WNK2: variants seen among roughly 807,000 people sequenced by gnomAD.
WNK2 encodes the protein WNK lysine deficient protein kinase 2, also known as serine/threonine-protein kinase WNK2.
In WNK2, 67 loss-of-function variants were observed where a neutral mutation model predicts 192.1. That is an observed-to-expected ratio of 0.35 (90% CI 0.29 to 0.43). The LOEUF (loss-of-function observed/expected upper bound fraction) is 0.43, where lower values mean the gene tolerates loss of function less well. Ranked by LOEUF, WNK2 falls within the 20% of genes least tolerant of loss-of-function variation. The pLI, the probability that WNK2 is intolerant of heterozygous loss-of-function variation, is 1.00. For missense variants in WNK2, 2,698 were observed against 3,089.7 expected (o/e 0.87, Z 3.01); for synonymous variants, 1,439 against 1,393.9 (o/e 1.03, Z -0.72).
At chr9:93,274,884 T>G (rs1317304216) in intron 19 of WNK2, among the ~76,000 whole-genome samples, 3 of 152,096 alleles carry the variant, frequency 2.0e-5, no homozygotes, top group Non-Finnish European at 4.4e-5. Flanking sequence ...CAAAATCTCT[T>G]CCAGAAAATA....
intron 2 of WNK2, among the ~76,000 whole-genome samples, chr9:93,205,493 C>A (rs567303269): frequency 6.6e-6 from 1 of 152,264 alleles, no homozygotes; most frequent in African/African-American, 2.4e-5. Flanking sequence ...TGTCATCTCC[C>A]CCATCCTGCT....
rs192466709 is a variant in WNK2 at position 93,307,933 on chromosome 9, C to T, written c.6260-395C>T. 386 of 226,710 alleles carry T rather than the reference C, an allele frequency of 1.7e-3. 1 individual carries two copies. Among genetic ancestry groups the T allele is most frequent in the African/African-American group, 8.3e-3 (363 of 43,644 alleles). 14.0% of individuals were successfully genotyped at this position (226,710 alleles called of 1,614,324 possible). ...GAGGATGCACAGGCCAGAGAGAGCC[C>T]GAGGAACCTGACTCTAGGCACCATG... On this transcript the variant is annotated intron_variant, in intron 27 of 29. Transcript: ENST00000427277.
At position 93,247,625 on chromosome 9, in the gene WNK2, G is replaced by A; in HGVS notation, c.1625G>A (p.Arg542Gln). 6.3e-7 allele frequency: 1 copy of A among 1,597,258 alleles called. No individual in the cohort carries two copies. Among genetic ancestry groups the A allele is most frequent in the Non-Finnish European group, 8.5e-7 (1 of 1,172,546 alleles). Residue 542 changes from arginine (R) to glutamine (Q), a missense_variant, in exon 8 of 30, where the codon CGG becomes CAG. By Grantham distance (43) the Arg-to-Gln change is conservative. Around this residue, in one of 7 missense-constraint regions of WNK2, gnomAD observed 230 missense variants for 501.1 expected, o/e 0.46. Coordinates refer to ENST00000427277, the MANE Select transcript of WNK2 (RefSeq NM_006648.4). This position sits in a 1 kb window ranked among gnomAD's most constrained non-coding sequence, Gnocchi z 5.2. ...GACCGCGTGGCCTTGATCCAGTGGC[G>A]GCGGGAGAGGATCTGGCCCGCGCTG... The part of the protein sequence containing the change: ...IRDRVALIQW[R>Q]RERIWPALQP...
At chr9:93,291,009 G>A (rs962072264) in intron 21 of WNK2, among the ~76,000 whole-genome samples, 7 of 152,178 alleles carry the variant, frequency 4.6e-5, no homozygotes, top group Admixed American at 1.3e-4. Context: ...AGCCGCAGGC[G>A]GGACCCCGTA....
rs1364274251 is a variant in WNK2 at position 93,297,999 on chromosome 9, G to A, written c.5855G>A (p.Ser1952Asn). ...PTGRRRKTSK[S>N]KLKAGKLLNP... is the part of the protein sequence containing the mutation. ...GGCCGCCGGAGAAAAACCAGCAAGA[G>A]CAAGCTGAAGGCAGGCAAGCTGCTA... is the stretch of plus-strand genomic sequence containing the variant. The change falls in exon 24 of 30, where the codon AGC (serine) becomes AAC (asparagine). Residue 1952 changes from serine (S) to asparagine (N), a missense_variant. This residue lies in a region of WNK2 where 1,098 missense variants were observed against 1,101.0 expected (regional missense o/e 1.00). Coordinates refer to ENST00000427277, the MANE Select transcript of WNK2 (RefSeq NM_006648.4). 1.9e-6 allele frequency: 3 copies of A among 1,559,804 alleles called. No homozygotes were observed. The highest frequency in any genetic ancestry group is 2.6e-6 in the Non-Finnish European group (3 of 1,152,886).
intron 2 of WNK2, 147 bp downstream of exon 2, chr9:93,185,757 C>G (rs1829189026): frequency 2.0e-6 from 2 of 983,706 alleles, no homozygotes; most frequent in South Asian, 3.0e-5. Flanking sequence ...GGATGGCTGG[C>G]AGGATGCATA....
intron 20 of WNK2, 140 bp downstream of exon 20, chr9:93,289,760 C>T (rs62571757): frequency 6.6e-4 from 646 of 979,658 alleles, no homozygotes; most frequent in Admixed American, 1.0e-3. Context: ...GACCCACCCA[C>T]GTGTGTTTGA....
chr9:93,268,684 C>A lies in WNK2; in HGVS notation c.3971C>A (p.Pro1324His). Residue 1324 changes from proline (P) to histidine (H), a missense_variant, in exon 19 of 30, where the codon CCC (proline) becomes CAC (histidine). Pro to His is a moderately conservative substitution (Grantham distance 77, BLOSUM62 -2). Transcript: ENST00000427277. ...IICPVAEHPA[P>H]EAPESSPPLP... ...TGTCCGGTGGCTGAGCACCCCGCCC[C>A]CGAGGCCCCTGAATCTTCGCCCCCA... 1 of 1,613,554 alleles carries A rather than the reference C, an allele frequency of 6.2e-7. No homozygotes were observed. Among genetic ancestry groups the A allele is most frequent in the Middle Eastern group, 1.7e-4 (1 of 6,058 alleles).
At chr9:93,271,793 G>T (rs1028581989) in intron 19 of WNK2, among the ~76,000 whole-genome samples, 1 of 152,204 alleles carries the variant, frequency 6.6e-6, no homozygotes, top group Non-Finnish European at 1.5e-5. Flanking sequence ...TTTGGTGAAA[G>T]ACGTAAGTCT....
chr9:93,252,336 G>A (rs1440272463), intron 8 of WNK2, among the ~76,000 whole-genome samples: 3 of 152,234 alleles, frequency 2.0e-5, no homozygotes, highest in Non-Finnish European at 2.9e-5. Flanking sequence ...CCCTGCCACC[G>A]CATCCACCAC....
At chr9:93,195,239 T>C (rs2131086661) in intron 2 of WNK2, among the ~76,000 whole-genome samples, 1 of 152,322 alleles carries the variant, frequency 6.6e-6, no homozygotes, top group East Asian at 1.9e-4. Context: ...TCATCAGTTA[T>C]AACAAGTGTA....
Position 93,288,490 on chromosome 9 carries a change from C to T in WNK2, c.4034-298C>T, listed in dbSNP as rs533552145. 2.2e-4 allele frequency among the ~76,000 whole-genome samples: 34 copies of T among 152,324 alleles called. No homozygotes were observed. The East Asian group carries it at 4.4e-3, about 20-fold the overall frequency. ...GCAACAGCCACAGCTGATGGTCACACGCTACAGAAGACACAGAAGGAAGGG... is the reference window on the plus strand; with the variant it reads ...GCAACAGCCACAGCTGATGGTCACATGCTACAGAAGACACAGAAGGAAGGG... On this transcript the variant is annotated intron_variant, in intron 19 of 29. Transcript: ENST00000427277.
intron 2 of WNK2, among the ~76,000 whole-genome samples, chr9:93,219,447 A>G (rs1481872892): frequency 6.6e-6 from 1 of 152,194 alleles, no homozygotes; most frequent in Admixed American, 6.5e-5. Flanking sequence ...TATGGATCCT[A>G]GGGAGGAAGC....
chr9:93,205,548 C>G (rs1367554331), intron 2 of WNK2, among the ~76,000 whole-genome samples: 1 of 152,090 alleles, frequency 6.6e-6, no homozygotes, highest in Non-Finnish European at 1.5e-5. Flanking sequence ...GGCCCCCACT[C>G]TGTCCTTCGG....
intron 2 of WNK2, among the ~76,000 whole-genome samples, chr9:93,196,910 A>G (rs1380156710): frequency 3.9e-5 from 6 of 152,132 alleles, no homozygotes; most frequent in Non-Finnish European, 8.8e-5. Context: ...TGCAGAGAAC[A>G]GCACAGCACA....
At chr9:93,203,999 G>T (rs908943181) in intron 2 of WNK2, among the ~76,000 whole-genome samples, 2 of 152,266 alleles carry the variant, frequency 1.3e-5, no homozygotes, top group Admixed American at 6.5e-5. Flanking sequence ...GGGGCTGCGG[G>T]ATGGCATCCT....
chr9:93,310,913 A>G (rs1853526641), intron 28 of WNK2, among the ~76,000 whole-genome samples: 2 of 152,210 alleles, frequency 1.3e-5, no homozygotes, highest in South Asian at 4.1e-4. Context: ...GCAGTGAACT[A>G]TGATTGTACC....
intron 2 of WNK2, among the ~76,000 whole-genome samples, chr9:93,228,495 G>A (rs1838189288): frequency 6.6e-6 from 1 of 152,158 alleles, no homozygotes; most frequent in African/African-American, 2.4e-5. Context: ...TATGTTTCTG[G>A]TTTCCTTCGG....
Position 93,259,422 on chromosome 9 carries a change from G to C in WNK2, c.2874G>C (p.Pro958=), listed in dbSNP as rs373635754. 1.4e-6 allele frequency: 2 copies of C among 1,404,338 alleles called. No individual in the cohort carries two copies. The highest frequency in any genetic ancestry group is 1.3e-5 in the South Asian group (1 of 78,378). The allele number at this position is 1,404,338 out of a possible 1,614,324, so 87.0% of individuals were successfully genotyped here. The change falls in exon 12 of 30, where the codon CCG becomes CCC. Residue 958 remains proline, a synonymous_variant. Transcript: ENST00000427277. This position sits in a 1 kb window ranked among gnomAD's most constrained non-coding sequence, Gnocchi z 4.8. ...PTLPPQPVLP[P]QPTLPPQPVL... ...TGCCCCCACAACCCGTGCTGCCCCC[G>C]CAACCCACGCTGCCCCCTCAACCTG... is the stretch of plus-strand genomic sequence containing the variant.
Sources: allele counts gnomAD v4.1 joint callset (sites outside exome capture counted in the v4.1 genomes callset), GRCh38; gene constraint gnomAD v4.1.1; regional missense constraint gnomAD v4.1.1; non-coding constraint Gnocchi (gnomAD v3.1); transcripts MANE v1.5; gene names NCBI Gene and HGNC (gene_info 2026-07-23, HGNC 2026-07-21).